DAXX: variants seen among roughly 807,000 people sequenced by gnomAD.
DAXX encodes death domain associated protein, also known as death domain-associated protein 6.
In DAXX, 24 loss-of-function variants were observed where a neutral mutation model predicts 61.9. That is an observed-to-expected ratio of 0.39 (90% CI 0.28 to 0.55). The LOEUF (loss-of-function observed/expected upper bound fraction) is 0.55, where lower values mean the gene tolerates loss of function less well. Ranked by LOEUF, DAXX falls within the 20% of genes least tolerant of loss-of-function variation. The pLI is 0.69. For missense variants in DAXX, 819 were observed against 935.3 expected (o/e 0.88, Z 1.62); for synonymous variants, 357 against 369.5 (o/e 0.97, Z 0.39).
rs2150994119 is a variant in DAXX, at chr6:33,320,829, C to T, written c.946G>A (p.Ala316Thr). 1 of 1,614,194 alleles carries T rather than the reference C, an allele frequency of 6.2e-7. No individual in the cohort carries two copies. Among genetic ancestry groups the T allele is most frequent in the Non-Finnish European group, 8.5e-7 (1 of 1,180,036 alleles). Residue 316 changes from alanine (A) to threonine (T), a missense_variant, in exon 3 of 8, where the codon GCC (alanine) becomes ACC (threonine). By Grantham distance (58) the Ala-to-Thr change is moderately conservative. Transcript: ENST00000374542. The surrounding 1 kb of genome is among the most constrained non-coding windows in gnomAD (Gnocchi z 7.1). ...AACCTGATGCCCACATCTCGGAAGG[C>T]ATCCTGAGCCATGAGCTGGAGCTGC... is the stretch of plus-strand genomic sequence containing the variant. ...RQQLQLMAQD[A>T]FRDVGIRLQE...
chr6:33,322,922 T>A lies in DAXX; in HGVS notation c.-113A>T, dbSNP rs375983513. 5 of 1,410,476 alleles carry A rather than the reference T, an allele frequency of 3.5e-6. No homozygotes were observed. In the South Asian group the frequency reaches 5.7e-5, roughly 16 times the overall value. 87.4% of individuals were successfully genotyped at this position (1,410,476 alleles called of 1,614,324 possible). ...ATTCTCAGAACCTCGCATGGTTCCCTCCGCCTTCCTTCCCACTCCCACCGC... is the reference window on the plus strand; with the variant it reads ...ATTCTCAGAACCTCGCATGGTTCCCACCGCCTTCCTTCCCACTCCCACCGC... On this transcript the variant is annotated 5_prime_UTR_variant, in exon 1 of 8. Coordinates refer to ENST00000374542, the MANE Select transcript of DAXX (RefSeq NM_001141969.2).
chr6:33,322,071 T>C (rs1452633977), intron 1 of DAXX, 94 bp from the exon 2 acceptor site: 5 of 806,834 alleles, frequency 6.2e-6, no homozygotes, highest in Non-Finnish European at 9.4e-6. Context: ...TTCAGTAACA[T>C]CCAGCCCTGA....
At chr6:33,322,688 A>C (rs1770775196) in intron 1 of DAXX, 174 bp downstream of exon 1, 2 of 380,028 alleles carry the variant, frequency 5.3e-6, no homozygotes, top group African/African-American at 2.1e-5. Flanking sequence ...GGTCCGCTAG[A>C]TGCGCTTCCC....
At position 33,319,025 on chromosome 6, in the gene DAXX, G is replaced by A; in HGVS notation, c.2135C>T (p.Ser712Leu). Residue 712 changes from serine to leucine, a missense_variant, in exon 7 of 8, where the codon TCA becomes TTA. Ser to Leu is a moderately radical substitution (Grantham distance 145). Transcript: ENST00000374542. Reference protein sequence around the residue: ...SPARLSQTPHSQPPRPGTCKT... With the variant: ...SPARLSQTPHLQPPRPGTCKT... ...GCAAGTACCAGGCCGAGGAGGCTGT[G>A]AATGGGGGGTTTGGGACAGCCGGGC... is the stretch of plus-strand genomic sequence containing the variant. 6.2e-7 allele frequency: 1 copy of A among 1,613,668 alleles called. No individual in the cohort carries two copies. Among genetic ancestry groups the A allele is most frequent in the Non-Finnish European group, 8.5e-7 (1 of 1,180,010 alleles).
At position 33,320,222 on chromosome 6, in the gene DAXX, G is replaced by T; in HGVS notation, c.1254C>A (p.Gly418=). 6.2e-7 allele frequency: 1 copy of T among 1,607,076 alleles called. No individual in the cohort carries two copies. Among genetic ancestry groups the T allele is most frequent in the Non-Finnish European group, 8.5e-7 (1 of 1,173,788 alleles). Reference sequence around the variant, plus strand: ...ACCCCTGGGATGCCATTCCACTAGGGCCCTGGGAGACAAAGAAGTTTCTCT... The same window carrying T: ...ACCCCTGGGATGCCATTCCACTAGGTCCCTGGGAGACAAAGAAGTTTCTCT... ...TPEASLDSGE[G]PSGMASQGCP... is the part of the protein sequence containing the mutation. Residue 418 remains glycine, a splice_region_variant and synonymous_variant, in exon 5 of 8, where the codon GGC becomes GGA. Coordinates refer to ENST00000374542, the MANE Select transcript of DAXX (RefSeq NM_001141969.2). The surrounding 1 kb of genome is among the most constrained non-coding windows in gnomAD (Gnocchi z 7.1).
At position 33,322,953 on chromosome 6, in the gene DAXX, C is replaced by T. The variant is rs980734232; in HGVS notation, c.-144G>A. 3.4e-6 allele frequency: 4 copies of T among 1,188,138 alleles called. No individual in the cohort carries two copies. The South Asian group carries it at 3.6e-5, about 11-fold the overall frequency. The allele number at this position is 1,188,138 out of a possible 1,614,324, so 73.6% of individuals were successfully genotyped here. A position where few individuals can be genotyped will look rare whatever the true frequency, so the allele number is the denominator to read the frequency against. ...TTCCTTCCCACTCCCACCGCAGGCC[C>T]CACTACGGACCGGAAGTCACAGAGT... On this transcript the variant is annotated 5_prime_UTR_variant, in exon 1 of 8. Transcript: ENST00000374542.
In DAXX at chr6:33,319,607, A is replaced by C; in HGVS notation, c.1713T>G (p.Ile571Met). The C allele has an allele frequency of 6.2e-7, 1 of 1,614,026 alleles. No individual in the cohort carries two copies. ...SPVSQLFELE[I>M]EALPLDTPSS... ...AAGGGGTATCCAGGGGCAAAGCTTC[A>C]ATCTCTAGCTCAAAGAGCTGAGACA... The change falls in exon 6 of 8, where the codon ATT becomes ATG. Residue 571 changes from isoleucine (I) to methionine (M), a missense_variant. Physicochemically the swap from Ile to Met is conservative, Grantham distance 10. Transcript: ENST00000374542.
In DAXX at chr6:33,318,661, A is replaced by C; in HGVS notation, c.*82T>G. ...CACCAAAAGGGGATTAGCTTAGTCC[A>C]TCCCTTCCTCAGTCATCTGCTTCCC... On this transcript the variant is annotated 3_prime_UTR_variant, in exon 8 of 8. Transcript: ENST00000374542. The C allele has an allele frequency of 1.6e-6, 1 of 618,070 alleles. No individual in the cohort carries two copies. The highest frequency in any genetic ancestry group is 2.8e-6 in the Non-Finnish European group (1 of 351,152). 38.3% of individuals were successfully genotyped at this position (618,070 alleles called of 1,614,324 possible).
In DAXX at chr6:33,320,158, C is replaced by A. The variant is rs375012684; in HGVS notation, c.1318G>T (p.Asp440Tyr). ...ASRAETDDED[D>Y]EESDEEEEEE... Reference sequence around the variant, plus strand: ...TCCTCTTCCTCATCACTCTCCTCATCGTCTTCGTCATCTGTCTCAGCTCTG... The same window carrying A: ...TCCTCTTCCTCATCACTCTCCTCATAGTCTTCGTCATCTGTCTCAGCTCTG... The change falls in exon 5 of 8, where the codon GAT becomes TAT. Residue 440 changes from aspartate to tyrosine, a missense_variant. Coordinates refer to ENST00000374542, the MANE Select transcript of DAXX (RefSeq NM_001141969.2). This position sits in a 1 kb window ranked among gnomAD's most constrained non-coding sequence, Gnocchi z 7.1. 8 of 1,614,060 alleles carry A rather than the reference C, an allele frequency of 5.0e-6. No individual in the cohort carries two copies. In the East Asian group the frequency reaches 1.1e-4, roughly 22 times the overall value.
rs1273601119 is a variant in DAXX at position 33,321,173 on chromosome 6, T to C, written c.602A>G (p.Glu201Gly). Residue 201 changes from glutamate to glycine, a missense_variant, in exon 3 of 8, where the codon GAG becomes GGG. Glu to Gly is a moderately conservative substitution (Grantham distance 98). Transcript: ENST00000374542. This position sits in a 1 kb window ranked among gnomAD's most constrained non-coding sequence, Gnocchi z 7.2. ...CTCCTTTTCCTGCAGCCGCCGGATCTCTGCCACATAGAGCGCCAGCAGCTG... is the reference window on the plus strand; with the variant it reads ...CTCCTTTTCCTGCAGCCGCCGGATCCCTGCCACATAGAGCGCCAGCAGCTG... The part of the protein sequence containing the change: ...LEQLLALYVA[E>G]IRRLQEKELD... 2 of 1,613,562 alleles carry C rather than the reference T, an allele frequency of 1.2e-6. No individual in the cohort carries two copies. Among genetic ancestry groups the C allele is most frequent in the African/African-American group, 2.7e-5 (2 of 74,914 alleles).
At position 33,319,809 on chromosome 6, in the gene DAXX, T is replaced by C. The variant is rs146868243; in HGVS notation, c.1511A>G (p.Asn504Ser). 4.3e-5 allele frequency: 69 copies of C among 1,613,974 alleles called. No individual in the cohort carries two copies. Among genetic ancestry groups the C allele is most frequent in the African/African-American group, 3.1e-4 (23 of 74,898 alleles). ...TTTGCCAGGTTCCAGGTTCTTTTCA[T>C]TGGAGATCTGTAGTGAGGACATGGG... ...KSPMSSLQIS[N>S]EKNLEPGKQI... is the part of the protein sequence containing the mutation. The change falls in exon 6 of 8, where the codon AAT becomes AGT. Residue 504 changes from asparagine (N) to serine (S), a missense_variant. Asn to Ser is a conservative substitution (Grantham distance 46). Coordinates refer to ENST00000374542, the MANE Select transcript of DAXX (RefSeq NM_001141969.2).
chr6:33,318,754 C>CT lies in DAXX; in HGVS notation c.2211dup (p.Asp738ArgfsTer3). On this transcript the variant is annotated frameshift_variant, in exon 8 of 8. Coordinates refer to ENST00000374542, the MANE Select transcript of DAXX (RefSeq NM_001141969.2). LOFTEE classifies it high-confidence loss of function. ...AGAAGGGGAGGCAGCTAATCAGAGT[C>CT]TGAGAGCACGATGATCTCTTCTGGA... 6.5e-7 allele frequency: 1 copy of CT among 1,527,358 alleles called. No homozygotes were observed. Among genetic ancestry groups the CT allele is most frequent in the Non-Finnish European group, 8.9e-7 (1 of 1,118,266 alleles). The allele number at this position is 1,527,358 out of a possible 1,614,324, so 94.6% of individuals were successfully genotyped here. A position where few individuals can be genotyped will look rare whatever the true frequency, so the allele number is the denominator to read the frequency against.
rs556533833 is a variant in DAXX, at chr6:33,319,838, C to G, written c.1482G>C (p.Lys494Asn). ...EEAAAGKDGD[K>N]SPMSSLQISN... ...AGATCTGTAGTGAGGACATGGGGCT[C>G]TTGTCTCCATCTTTACCTGGAAAAG... The change falls in exon 6 of 8, where the codon AAG becomes AAC. Residue 494 changes from lysine to asparagine, a missense_variant. Coordinates refer to ENST00000374542, the MANE Select transcript of DAXX (RefSeq NM_001141969.2). 2 of 1,609,310 alleles carry G rather than the reference C, an allele frequency of 1.2e-6. No homozygotes were observed. Among genetic ancestry groups the G allele is most frequent in the East Asian group, 4.5e-5 (2 of 44,796 alleles).
At position 33,319,677 on chromosome 6, in the gene DAXX, T is replaced by C. The variant is rs1365246311; in HGVS notation, c.1643A>G (p.Asn548Ser). Residue 548 changes from asparagine to serine, a missense_variant, in exon 6 of 8, where the codon AAT becomes AGT. Asn to Ser is a conservative substitution (Grantham distance 46, BLOSUM62 1). Transcript: ENST00000374542. Reference sequence around the variant, plus strand: ...GGTCAGCTCCTCAGGCTGTTCTCCATTGCTTTCAGCATCTATGCTGGAGGG... The same window carrying C: ...GGTCAGCTCCTCAGGCTGTTCTCCACTGCTTTCAGCATCTATGCTGGAGGG... ...LAPSSIDAES[N>S]GEQPEELTLE... 3 of 1,613,704 alleles carry C rather than the reference T, an allele frequency of 1.9e-6. No homozygotes were observed. The highest frequency in any genetic ancestry group is 2.7e-5 in the African/African-American group (2 of 74,836).
chr6:33,322,730 G>C, intron 1 of DAXX, 132 bp downstream of exon 1: 2 of 334,744 alleles, frequency 6.0e-6, no homozygotes, highest in Non-Finnish European at 1.2e-5. Flanking sequence ...TCAGCCCCCG[G>C]CCGCTCCACT....
chr6:33,321,104 T>C lies in DAXX; in HGVS notation c.671A>G (p.Gln224Arg), dbSNP rs2150995598. 1 of 1,611,656 alleles carries C rather than the reference T, an allele frequency of 6.2e-7. No individual in the cohort carries two copies. Among genetic ancestry groups the C allele is most frequent in the Non-Finnish European group, 8.5e-7 (1 of 1,177,734 alleles). Residue 224 changes from glutamine to arginine, a missense_variant, in exon 3 of 8, where the codon CAG becomes CGG. Gln to Arg is a conservative substitution (Grantham distance 43). Transcript: ENST00000374542. The surrounding 1 kb of genome is among the most constrained non-coding windows in gnomAD (Gnocchi z 7.2). ...CAGCTTACGCTTCAACCGTGCCTCCTGCAGGTATGCGGAGTCTGGGTCATC... is the reference window on the plus strand; with the variant it reads ...CAGCTTACGCTTCAACCGTGCCTCCCGCAGGTATGCGGAGTCTGGGTCATC... ...ELDDPDSAYL[Q>R]EARLKRKLIR...
chr6:33,318,954 AAG>A, intron 7 of DAXX, 41 bp downstream of exon 7: 2 of 1,550,664 alleles, frequency 1.3e-6, no homozygotes, highest in Admixed American at 1.7e-5. Flanking sequence ...CAGCCAATGA[AAG>A]AGAACAAATT....
Position 33,321,746 on chromosome 6 carries a change from C to A in DAXX, c.180G>T (p.Lys60Asn). 1 of 1,613,508 alleles carries A rather than the reference C, an allele frequency of 6.2e-7. No individual in the cohort carries two copies. The highest frequency in any genetic ancestry group is 8.5e-7 in the Non-Finnish European group (1 of 1,179,940). ...SSSSGGKKCY[K>N]LENEKLFEEF... The stretch of plus-strand genomic sequence containing the variant: ...CTTCGAACAGCTTCTCATTCTCCAG[C>A]TTGTAGCATTTCTTGCCGCCCGAAC... The change falls in exon 2 of 8, where the codon AAG becomes AAT. Residue 60 changes from lysine (K) to asparagine (N), a missense_variant. Lys to Asn is a moderately conservative substitution (Grantham distance 94, BLOSUM62 0). Transcript: ENST00000374542. This position sits in a 1 kb window ranked among gnomAD's most constrained non-coding sequence, Gnocchi z 7.2.
Position 33,319,169 on chromosome 6 carries a change from C to A in DAXX, c.1991G>T (p.Cys664Phe). ...GGGGGAAGGTGGGCTGGGCAGGGTA[C>A]ATATCTTTTTCCCATTCTTCTCATG... is the stretch of plus-strand genomic sequence containing the variant. Reference protein sequence around the residue: ...SVHEKNGKKICTLPSPPSPLA... With the variant: ...SVHEKNGKKIFTLPSPPSPLA... Residue 664 changes from cysteine (C) to phenylalanine (F), a missense_variant, in exon 7 of 8, where the codon TGT becomes TTT. Coordinates refer to ENST00000374542, the MANE Select transcript of DAXX (RefSeq NM_001141969.2). The A allele has an allele frequency of 6.2e-7, 1 of 1,612,370 alleles. No homozygotes were observed. The highest frequency in any genetic ancestry group is 8.5e-7 in the Non-Finnish European group (1 of 1,178,774).
Sources: gnomAD v4.1 joint callset for allele counts on GRCh38, gnomAD v4.1.1 for gene constraint, Gnocchi (gnomAD v3.1) non-coding constraint, MANE v1.5 for transcripts, NCBI Gene and HGNC (gene_info 2026-07-23, HGNC 2026-07-21) for gene names.